ASIC2: variants seen among roughly 807,000 people sequenced by gnomAD.
ASIC2 encodes acid sensing ion channel subunit 2, also known as acid-sensing ion channel 2.
A neutral mutation model predicts 57.3 loss-of-function variants in ASIC2; 25 were observed. The ratio of observed to expected loss-of-function variants is 0.44; its 90% confidence interval spans 0.32 to 0.61. ASIC2 has a LOEUF of 0.61. Ranked by LOEUF, ASIC2 falls within the 20% of genes least tolerant of loss-of-function variation. ASIC2 has a pLI of 0.06. For missense variants in ASIC2, 641 were observed against 738.1 expected (o/e 0.87, Z 1.52); for synonymous variants, 319 against 307.5 (o/e 1.04, Z -0.39).
intron 1 of ASIC2, among the ~76,000 whole-genome samples, chr17:33,857,680 A>T (rs1324092321): frequency 1.3e-5 from 2 of 152,182 alleles, no homozygotes; most frequent in South Asian, 2.1e-4. Context: ...TCATCTTAAG[A>T]GAGGAGTCAA....
At chr17:33,422,441 C>T (rs1319030329) in intron 1 of ASIC2, among the ~76,000 whole-genome samples, 1 of 152,176 alleles carries the variant, frequency 6.6e-6, no homozygotes, top group Non-Finnish European at 1.5e-5. Flanking sequence ...TGCCAAGTTC[C>T]TCAAACCGTT....
chr17:34,126,805 C>A (rs1191963562), intron 1 of ASIC2, among the ~76,000 whole-genome samples: 1 of 152,162 alleles, frequency 6.6e-6, no homozygotes, highest in Non-Finnish European at 1.5e-5. Flanking sequence ...CTGCAGATTC[C>A]GTTTCTGCAG....
At chr17:33,442,064 G>A (rs943150548) in intron 1 of ASIC2, among the ~76,000 whole-genome samples, 4 of 152,176 alleles carry the variant, frequency 2.6e-5, no homozygotes, top group African/African-American at 9.7e-5. Context: ...AGCACAAATA[G>A]TATTTGTCAA....
At chr17:33,152,788 T>C (rs116093264) in intron 1 of ASIC2, among the ~76,000 whole-genome samples, 3,460 of 152,336 alleles carry the variant, frequency 0.023, 142 homozygotes, top group African/African-American at 0.08. Flanking sequence ...CACATTAGCA[T>C]GTTACGTGGT....
chr17:33,181,831 A>G (rs907529522), intron 1 of ASIC2, among the ~76,000 whole-genome samples: 2 of 152,176 alleles, frequency 1.3e-5, no homozygotes, highest in Non-Finnish European at 2.9e-5. Context: ...CCCAAGAAAC[A>G]AACGAACAAA....
chr17:33,746,674 G>A (rs73282788), intron 1 of ASIC2, among the ~76,000 whole-genome samples: 6,327 of 151,822 alleles, frequency 0.042, 429 homozygotes, highest in African/African-American at 0.14. Flanking sequence ...AGAACTCAAG[G>A]GAAGATTAAC....
chr17:33,859,602 G>A (rs754244990), intron 1 of ASIC2, among the ~76,000 whole-genome samples: 1 of 152,162 alleles, frequency 6.6e-6, no homozygotes, highest in Non-Finnish European at 1.5e-5. Context: ...GAGTGGAGAA[G>A]GTATTGACTG....
At chr17:33,570,239 C>T (rs1916388901) in intron 1 of ASIC2, among the ~76,000 whole-genome samples, 1 of 152,216 alleles carries the variant, frequency 6.6e-6, no homozygotes, top group African/African-American at 2.4e-5. Context: ...TCCAAGAATC[C>T]TGCCTTTCTT....
Position 33,158,429 on chromosome 17 carries a change from AG to A in ASIC2, c.709-46363del, listed in dbSNP as rs1000625046. On this transcript the variant is annotated intron_variant, in intron 1 of 9. Coordinates refer to ENST00000225823, the MANE Select transcript of ASIC2 (RefSeq NM_183377.2). ...GCTGCTGGATTTCCCCTACTGGTCT[AG>A]GGGGTGAATGAAGGGATGGCTCAGG... is the stretch of plus-strand genomic sequence containing the variant. 1.3e-5 allele frequency among the ~76,000 whole-genome samples: 2 copies of A among 152,158 alleles called. 1 individual carries two copies. Among genetic ancestry groups the A allele is most frequent in the Admixed American group, 1.3e-4 (2 of 15,270 alleles).
intron 1 of ASIC2, among the ~76,000 whole-genome samples, chr17:33,738,075 T>C (rs1394405133): frequency 5.3e-5 from 8 of 152,210 alleles, no homozygotes; most frequent in East Asian, 1.9e-4. Flanking sequence ...AAAGTAGGTG[T>C]CTAAGAAATT....
chr17:33,610,054 GCACACACACACACACACACACA>G (rs57533251), intron 1 of ASIC2, among the ~76,000 whole-genome samples: 1 of 144,736 alleles, frequency 6.9e-6, no homozygotes. Context: ...GGACAGAGGC[GCACACACACACACACACACACA>G]CACACACACA....
chr17:33,922,620 C>A (rs1915731137), intron 1 of ASIC2, among the ~76,000 whole-genome samples: 1 of 152,154 alleles, frequency 6.6e-6, no homozygotes, highest in Admixed American at 6.5e-5. Context: ...GTATCAGGCT[C>A]TATACTATAT....
At chr17:33,903,918 C>T (rs1440601804) in intron 1 of ASIC2, among the ~76,000 whole-genome samples, 3 of 152,066 alleles carry the variant, frequency 2.0e-5, no homozygotes, top group Non-Finnish European at 4.4e-5. Context: ...AATCCGAGCA[C>T]TTTGGGAGGC....
At chr17:33,660,504 G>A (rs1907224060) in intron 1 of ASIC2, among the ~76,000 whole-genome samples, 1 of 151,728 alleles carries the variant, frequency 6.6e-6, no homozygotes, top group Non-Finnish European at 1.5e-5. Context: ...GTTAAAAATG[G>A]TGTACAATTA....
chr17:33,164,930 C>T (rs1905265059), intron 1 of ASIC2, among the ~76,000 whole-genome samples: 1 of 152,314 alleles, frequency 6.6e-6, no homozygotes, highest in Non-Finnish European at 1.5e-5. Context: ...TCTCTTTGGC[C>T]AGCTCTCTCC....
intron 3 of ASIC2, among the ~76,000 whole-genome samples, chr17:33,081,567 A>G (rs756306153): frequency 4.6e-5 from 7 of 152,214 alleles, no homozygotes; most frequent in Non-Finnish European, 8.8e-5. Flanking sequence ...TGCCTTGAAA[A>G]AAACCAACTG....
At chr17:33,882,118 A>G (rs931269701) in intron 1 of ASIC2, among the ~76,000 whole-genome samples, 4 of 152,248 alleles carry the variant, frequency 2.6e-5, no homozygotes, top group Non-Finnish European at 4.4e-5. Flanking sequence ...TTCAAGATGG[A>G]TTAAAGACTT....
At chr17:33,665,400 C>T (rs962773776) in intron 1 of ASIC2, among the ~76,000 whole-genome samples, 3 of 152,062 alleles carry the variant, frequency 2.0e-5, no homozygotes, top group African/African-American at 7.2e-5. Flanking sequence ...TTTTACTTAT[C>T]GTTGGCACAG....
At chr17:33,158,897 A>G (rs1434314020) in intron 1 of ASIC2, among the ~76,000 whole-genome samples, 1 of 152,208 alleles carries the variant, frequency 6.6e-6, no homozygotes, top group African/African-American at 2.4e-5. Context: ...GATACTCACA[A>G]ATGGAATTCA....
Sources: gnomAD v4.1 joint callset for allele counts (sites outside exome capture counted in the v4.1 genomes callset) on GRCh38, gnomAD v4.1.1 for gene constraint, MANE v1.5 for transcripts, NCBI Gene and HGNC (gene_info 2026-07-23, HGNC 2026-07-21) for gene names.